Variants in SYNPR observed in about 807,000 individuals in gnomAD.
SYNPR encodes the protein synaptoporin.
In SYNPR, 23 loss-of-function variants were observed where a neutral mutation model predicts 32.9. That is an observed-to-expected ratio of 0.70 (90% CI 0.50 to 0.99). The LOEUF (loss-of-function observed/expected upper bound fraction) is 0.99, where lower values mean the gene tolerates loss of function less well. Ranked by LOEUF, SYNPR falls within the 50% of genes least tolerant of loss-of-function variation. The pLI, the probability that SYNPR is intolerant of heterozygous loss-of-function variation, is 0.00. For missense variants in SYNPR, 318 were observed against 349.3 expected, an observed-to-expected ratio of 0.91 and a Z score of 0.71; for synonymous variants, 146 against 135.9, an observed-to-expected ratio of 1.07 and a Z score of -0.52.
chr3:63,302,623 A>G (rs2086868775), intron 2 of SYNPR, among the ~76,000 whole-genome samples: 1 of 152,082 alleles, frequency 6.6e-6, no homozygotes. Flanking sequence ...AAATTTTTAC[A>G]TATTTATTTT....
chr3:63,530,496 T>A (rs139078113), intron 3 of SYNPR, among the ~76,000 whole-genome samples: 1 of 152,214 alleles, frequency 6.6e-6, no homozygotes, highest in African/African-American at 2.4e-5. Context: ...TTAACAGAAT[T>A]GCTGTGATGA....
chr3:63,569,521 C>T (rs1239190395), intron 4 of SYNPR, among the ~76,000 whole-genome samples: 1 of 152,200 alleles, frequency 6.6e-6, no homozygotes, highest in Non-Finnish European at 1.5e-5. Flanking sequence ...TCTAAGGAGC[C>T]TGACATTAAA....
intron 2 of SYNPR, among the ~76,000 whole-genome samples, chr3:63,460,649 A>C (rs149049483): frequency 2.0e-5 from 3 of 151,996 alleles, no homozygotes; most frequent in Non-Finnish European, 4.4e-5. Flanking sequence ...TTGCAAAGAC[A>C]ATGAGAGAGG....
At chr3:63,256,606 A>G (rs1337490799) in intron 2 of SYNPR, among the ~76,000 whole-genome samples, 1 of 152,208 alleles carries the variant, frequency 6.6e-6, no homozygotes, top group East Asian at 1.9e-4. Flanking sequence ...AGATAAAACC[A>G]CAAAGATGGA....
chr3:63,276,910 A>G (rs28472800), upstream of SYNPR, among the ~76,000 whole-genome samples: 26 of 72,096 alleles, frequency 3.6e-4, no homozygotes, highest in African/African-American at 1.4e-3. Flanking sequence ...CACCCCCCCC[A>G]CCAACACACA....
chr3:63,377,521 C>T (rs2087909905), intron 2 of SYNPR, among the ~76,000 whole-genome samples: 1 of 151,746 alleles, frequency 6.6e-6, no homozygotes, highest in Non-Finnish European at 1.5e-5. Flanking sequence ...TTATGGAATC[C>T]CATACTTTGA....
At chr3:63,533,122 C>T (rs1702139343) in intron 3 of SYNPR, among the ~76,000 whole-genome samples, 1 of 152,122 alleles carries the variant, frequency 6.6e-6, no homozygotes, top group Admixed American at 6.6e-5. Flanking sequence ...ACTGCAGGTT[C>T]TTTAAGGAAC....
At chr3:63,437,040 C>T (rs905455372) in intron 2 of SYNPR, among the ~76,000 whole-genome samples, 7 of 152,050 alleles carry the variant, frequency 4.6e-5, no homozygotes, top group African/African-American at 1.7e-4. Flanking sequence ...CCACGCCCGG[C>T]TAATTTTTGT....
intron 4 of SYNPR, among the ~76,000 whole-genome samples, chr3:63,574,849 T>C (rs1474230997): frequency 6.6e-6 from 1 of 152,118 alleles, no homozygotes; most frequent in Non-Finnish European, 1.5e-5. Flanking sequence ...AATTTAAGGA[T>C]AAAATGTGTT....
At chr3:63,256,146 G>A (rs1352571146) in intron 2 of SYNPR, among the ~76,000 whole-genome samples, 1 of 152,248 alleles carries the variant, frequency 6.6e-6, no homozygotes, top group African/African-American at 2.4e-5. Context: ...TCTGGGGGCA[G>A]GGCATAGCGA....
chr3:63,509,295 T>TAC (rs1701649055), intron 3 of SYNPR, among the ~76,000 whole-genome samples: 1 of 150,194 alleles, frequency 6.7e-6, no homozygotes, highest in Non-Finnish European at 1.5e-5. Flanking sequence ...TGTGTATATA[T>TAC]ATATACACAC....
Position 63,518,297 on chromosome 3 carries a change from A to T in SYNPR, c.209+37341A>T, listed in dbSNP as rs1193301967. On this transcript the variant is annotated intron_variant, in intron 3 of 5. Transcript: ENST00000478300. ...TTTATTCACCTGTAATACTCTCTAA[A>T]GACTATGTTACCCACGCCAAGCCTT... Among the ~76,000 whole-genome samples, 5 of 152,080 alleles carry T rather than the reference A, an allele frequency of 3.3e-5. No individual in the cohort carries two copies. The East Asian group carries it at 9.7e-4, about 29-fold the overall frequency.
intron 2 of SYNPR, among the ~76,000 whole-genome samples, chr3:63,388,684 T>C (rs796379598): frequency 1.1e-4 from 17 of 152,036 alleles, no homozygotes; most frequent in African/African-American, 3.4e-4. Context: ...CCTCCCAAAG[T>C]TGCTAACGCC....
At chr3:63,254,359 A>G (rs912582137) in intron 2 of SYNPR, among the ~76,000 whole-genome samples, 10 of 152,196 alleles carry the variant, frequency 6.6e-5, no homozygotes, top group African/African-American at 2.4e-4. Flanking sequence ...ACTTTAAATC[A>G]GCACTTTTAA....
At chr3:63,523,942 C>T (rs1701957322) in intron 3 of SYNPR, among the ~76,000 whole-genome samples, 1 of 152,136 alleles carries the variant, frequency 6.6e-6, no homozygotes, top group Admixed American at 6.5e-5. Context: ...TGTCATTCTA[C>T]TGTGGACTAG....
At chr3:63,287,998 G>C (rs2086702094) in intron 2 of SYNPR, among the ~76,000 whole-genome samples, 1 of 152,150 alleles carries the variant, frequency 6.6e-6, no homozygotes, top group South Asian at 2.1e-4. Context: ...TTATGTCTTT[G>C]TCACTGTCCT....
chr3:63,609,010 C>T (rs1700160679), intron 4 of SYNPR, 115 bp from the exon 5 acceptor site: 1 of 887,240 alleles, frequency 1.1e-6, no homozygotes, highest in Admixed American at 3.2e-5. Context: ...GTTTCCAGTG[C>T]TATGGGATCT....
intron 2 of SYNPR, among the ~76,000 whole-genome samples, chr3:63,309,345 T>C (rs1216524745): frequency 1.3e-5 from 2 of 152,000 alleles, no homozygotes; most frequent in South Asian, 2.1e-4. Context: ...CTTCTCCTCA[T>C]TGTGGGTTGT....
intron 2 of SYNPR, among the ~76,000 whole-genome samples, chr3:63,459,757 G>A (rs1201553899): frequency 6.6e-6 from 1 of 151,934 alleles, no homozygotes; most frequent in Non-Finnish European, 1.5e-5. Flanking sequence ...AGGAATATGG[G>A]TCCCTAAACT....
Sources: gnomAD v4.1 joint callset for allele counts (sites outside exome capture counted in the v4.1 genomes callset) on GRCh38, gnomAD v4.1.1 for gene constraint, MANE v1.5 for transcripts, NCBI Gene and HGNC (gene_info 2026-07-23, HGNC 2026-07-21) for gene names.